The following TRMO variants were observed in gnomAD, a reference collection of about 807,000 sequenced individuals.
The protein encoded by TRMO is tRNA methyltransferase O, also known as tRNA (adenine(37)-N6)-methyltransferase.
TRMO carries 30 observed loss-of-function variants against 37.2 expected under a neutral mutation model. That is an observed-to-expected ratio of 0.81 (90% confidence interval 0.60 to 1.09). TRMO has a LOEUF of 1.09. Among genes scored for constraint, TRMO ranks in the 50% least tolerant of loss-of-function variants. The pLI is 0.00. For synonymous variants in TRMO, 239 were observed against 199.4 expected (o/e 1.20, Z -1.67); for missense variants, 552 against 549.5 (o/e 1.00, Z -0.05).
chr9:97,908,237 T>C lies in TRMO; in HGVS notation c.1066+1723A>G, dbSNP rs913046386. On this transcript the variant is annotated intron_variant, in intron 4 of 4. Transcript: ENST00000375119. ...ACCATCCTGCCTAACACGGTGAAAC[T>C]CAGTCTCTACTAAAAATACAAAAAA... Among the ~76,000 whole-genome samples the C allele has an allele frequency of 1.4e-4, 21 of 151,890 alleles. 1 individual carries two copies. The highest frequency in any genetic ancestry group is 6.8e-3 in the Middle Eastern group (2 of 294).
intron 1 of TRMO, among the ~76,000 whole-genome samples, chr9:97,919,764 C>T (rs1275302906): frequency 1.3e-5 from 2 of 152,180 alleles, no homozygotes; most frequent in Non-Finnish European, 2.9e-5. Flanking sequence ...TAAGTGGCTG[C>T]CAATTAGATT....
downstream of TRMO, among the ~76,000 whole-genome samples, chr9:97,903,814 C>CCAGG (rs1448031100): frequency 2.6e-5 from 4 of 152,270 alleles, no homozygotes; most frequent in Admixed American, 6.5e-5. Flanking sequence ...TAATTATAGG[C>CCAGG]CAGGCACGGT....
At chr9:97,911,689 CAA>C (rs1224682900) in intron 3 of TRMO, 1 of 152,112 alleles carries the variant, frequency 6.6e-6, no homozygotes, top group African/African-American at 2.4e-5. Context: ...CATCAAGACT[CAA>C]AAGATTAAGC....
At chr9:97,902,800 G>A (rs1424504740), downstream of TRMO, among the ~76,000 whole-genome samples, 2 of 152,190 alleles carry the variant, frequency 1.3e-5, no homozygotes, top group Non-Finnish European at 2.9e-5. Context: ...TCAAACTAAA[G>A]TGTAGGCTCT....
downstream of TRMO, among the ~76,000 whole-genome samples, chr9:97,902,611 T>C (rs942521227): frequency 2.9e-4 from 44 of 152,264 alleles, 1 homozygote; most frequent in Middle Eastern, 3.4e-3. Context: ...CTAAAATCCT[T>C]CTTAGCTCTA....
chr9:97,914,963 A>T (rs1044054038), intron 2 of TRMO, among the ~76,000 whole-genome samples: 3 of 152,208 alleles, frequency 2.0e-5, no homozygotes, highest in Non-Finnish European at 1.5e-5. Context: ...CATTTTTTCC[A>T]TCATCAATGT....
chr9:97,907,756 C>T (rs1321878548), intron 4 of TRMO, among the ~76,000 whole-genome samples: 2 of 152,138 alleles, frequency 1.3e-5, no homozygotes, highest in East Asian at 3.9e-4. Flanking sequence ...TAGGTGACCT[C>T]GTCCCTTTTC....
intron 3 of TRMO, chr9:97,912,987 G>C (rs969585615): frequency 3.3e-6 from 4 of 1,198,638 alleles, no homozygotes; most frequent in East Asian, 5.7e-5. Flanking sequence ...TGCAAGGAAG[G>C]AATGATATAC....
intron 1 of TRMO, among the ~76,000 whole-genome samples, chr9:97,920,162 A>G (rs1247508264): frequency 6.6e-6 from 1 of 152,234 alleles, no homozygotes; most frequent in Non-Finnish European, 1.5e-5. Flanking sequence ...TTTGGTAAGC[A>G]CTGTGCTAAG....
downstream of TRMO, among the ~76,000 whole-genome samples, chr9:97,903,659 T>A (rs1825735647): frequency 6.6e-6 from 1 of 152,244 alleles, no homozygotes; most frequent in African/African-American, 2.4e-5. Flanking sequence ...TTTCTAAAAC[T>A]ATAATACAAT....
intron 3 of TRMO, 21 bp from the exon 4 acceptor site, chr9:97,910,637 A>G: frequency 6.2e-7 from 1 of 1,608,932 alleles, no homozygotes; most frequent in Admixed American, 1.7e-5. Context: ...AAAACGTGAA[A>G]AATGAAGAAC....
chr9:97,922,396 C>CA, intron 1 of TRMO, 22 bp downstream of exon 1: 1 of 1,508,100 alleles, frequency 6.6e-7, no homozygotes, highest in South Asian at 1.2e-5. Context: ...CAGAGTGTGG[C>CA]ACCGCCGGTG....
At chr9:97,905,045 A>G in intron 4 of TRMO, 53 bp from the exon 5 acceptor site, 1 of 1,580,954 alleles carries the variant, frequency 6.3e-7, no homozygotes, top group Non-Finnish European at 8.6e-7. Flanking sequence ...GTTGAATTTA[A>G]TTACAACAAA....
intron 1 of TRMO, among the ~76,000 whole-genome samples, chr9:97,921,771 A>C (rs1178909862): frequency 6.6e-6 from 1 of 152,110 alleles, no homozygotes; most frequent in South Asian, 2.1e-4. Flanking sequence ...TTTTTTTTTA[A>C]ATTATTTTAA....
chr9:97,899,232 G>GAGGAAGGGAC, the TRMO span, among the ~76,000 whole-genome samples: 32 of 151,496 alleles, frequency 2.1e-4, no homozygotes, highest in East Asian at 1.2e-3. Context: ...AAAAAAACCC[G>GAGGAAGGGAC]TGAGCTGGTG....
downstream of TRMO, among the ~76,000 whole-genome samples, chr9:97,901,238 G>A (rs1049947042): frequency 3.0e-5 from 3 of 100,336 alleles, no homozygotes; most frequent in Admixed American, 9.9e-5. Context: ...TGCCATTTAC[G>A]CCTAGTAGAG....
chr9:97,900,621 T>C (rs770506499), downstream of TRMO: 21 of 194,058 alleles, frequency 1.1e-4, no homozygotes, highest in Non-Finnish European at 1.8e-4. Context: ...GACTGGTGGG[T>C]TGGAATCCTA....
chr9:97,921,576 C>G (rs1211047377), intron 1 of TRMO, among the ~76,000 whole-genome samples: 2 of 152,030 alleles, frequency 1.3e-5, no homozygotes, highest in Admixed American at 1.3e-4. Context: ...GAGCCCACCA[C>G]CACGCCCGGC....
At chr9:97,898,615 T>TG in the TRMO span, among the ~76,000 whole-genome samples, 5 of 152,088 alleles carry the variant, frequency 3.3e-5, no homozygotes, top group East Asian at 7.7e-4. Flanking sequence ...CCCAAACTCC[T>TG]GGCCTCAAAC....
Sources: allele counts gnomAD v4.1 joint callset (sites outside exome capture counted in the v4.1 genomes callset), GRCh38; gene constraint gnomAD v4.1.1; transcripts MANE v1.5; gene names NCBI Gene and HGNC (gene_info 2026-07-23, HGNC 2026-07-21).